REL: variants seen among roughly 807,000 people sequenced by gnomAD.
The protein encoded by REL is REL proto-oncogene, NF-kB subunit, also known as proto-oncogene c-Rel.
Under a neutral mutation model 45.9 loss-of-function variants are expected in REL, and 15 were observed. That is an observed-to-expected ratio of 0.33 (90% CI 0.22 to 0.50). The LOEUF (loss-of-function observed/expected upper bound fraction) is 0.50. Ranked by LOEUF, REL falls within the 20% of genes least tolerant of loss-of-function variation. The probability of loss-of-function intolerance (pLI) is 0.98; values close to 1 mark genes in which losing one functional copy is unlikely to be tolerated. For missense variants in REL, 601 were observed against 715.2 expected (o/e 0.84, Z 1.82); for synonymous variants, 239 against 242.1 (o/e 0.99, Z 0.12).
chr2:60,888,965 T>C (rs901011383), intron 1 of REL, among the ~76,000 whole-genome samples: 2 of 152,232 alleles, frequency 1.3e-5, no homozygotes, highest in African/African-American at 4.8e-5. Context: ...TTGCTTTCTT[T>C]TTTCTATCTG....
At chr2:60,906,911 ATATTTTT>A (rs1673673471) in intron 4 of REL, among the ~76,000 whole-genome samples, 1 of 108,978 alleles carries the variant, frequency 9.2e-6, no homozygotes, top group Non-Finnish European at 1.8e-5. Context: ...ATATATATAT[ATATTTTT>A]TTTTTTTTTT....
chr2:60,889,547 T>G (rs1346979581), intron 1 of REL, among the ~76,000 whole-genome samples: 16 of 152,202 alleles, frequency 1.1e-4, no homozygotes, highest in Admixed American at 1.0e-3. Flanking sequence ...ATGTGCCATG[T>G]TGGTGTGCTG....
Position 60,926,240 on chromosome 2 carries a change from GAAAGACCAAATA to G in REL, c.*3709_*3720del, listed in dbSNP as rs1674265048. ...GTAAATGTCTTCATTAGCCTAAAAG[GAAAGACCAAATA>G]AAACCTTTCCTACCACTTGGATGCA... On this transcript the variant is annotated 3_prime_UTR_variant, in exon 10 of 10. Coordinates refer to ENST00000394479, the MANE Select transcript of REL (RefSeq NM_001291746.2). 4.3e-6 allele frequency: 1 copy of G among 230,762 alleles called. No individual in the cohort carries two copies. Among genetic ancestry groups the G allele is most frequent in the Non-Finnish European group, 8.6e-6 (1 of 116,414 alleles). The allele number at this position is 230,762 out of a possible 1,614,324, so 14.3% of individuals were successfully genotyped here. A position where few individuals can be genotyped will look rare whatever the true frequency, so the allele number is the denominator to read the frequency against.
At chr2:60,896,518 T>C (rs1371917886) in intron 3 of REL, among the ~76,000 whole-genome samples, 7 of 152,082 alleles carry the variant, frequency 4.6e-5, no homozygotes, top group Non-Finnish European at 1.0e-4. Context: ...TGGGGAAAAA[T>C]GAACTAATGG....
rs920511941 is a variant in REL at position 60,925,587 on chromosome 2, A to T, written c.*3052A>T. 5.4e-6 allele frequency: 1 copy of T among 183,638 alleles called. No individual in the cohort carries two copies. The highest frequency in any genetic ancestry group is 1.2e-5 in the Non-Finnish European group (1 of 86,688). The allele number at this position is 183,638 out of a possible 1,614,324, so 11.4% of individuals were successfully genotyped here. A position where few individuals can be genotyped will look rare whatever the true frequency, so the allele number is the denominator to read the frequency against. On this transcript the variant is annotated 3_prime_UTR_variant, in exon 10 of 10. Coordinates refer to ENST00000394479, the MANE Select transcript of REL (RefSeq NM_001291746.2). ...AATAAATTTTTAAAATCATAAGCAC[A>T]TAAATAGAACTTACCAGGGAGAAAG...
Position 60,918,376 on chromosome 2 carries a change from TG to T in REL, c.641-16del, listed in dbSNP as rs1163402431. 1.8e-5 allele frequency: 28 copies of T among 1,578,604 alleles called. No homozygotes were observed. Among genetic ancestry groups the T allele is most frequent in the Admixed American group, 1.1e-4 (6 of 54,852 alleles). ...CTTTGTTTTCCCATTTTTTTTTTTT[TG>T]GTTTCTTATTGACTAGATGACATAG... On this transcript the variant is annotated splice_polypyrimidine_tract_variant and intron_variant, in intron 6 of 9. Transcript: ENST00000394479.
In REL at chr2:60,926,109, T is replaced by G; in HGVS notation, c.*3574T>G. On this transcript the variant is annotated 3_prime_UTR_variant, in exon 10 of 10. Transcript: ENST00000394479. ...CTGCTTTTAGTATCTGAGGCACTTT[T>G]TCTGAACTCTACTTGTGCACTGGAT... is the stretch of plus-strand genomic sequence containing the variant. 1 of 231,762 alleles carries G rather than the reference T, an allele frequency of 4.3e-6. No homozygotes were observed. Among genetic ancestry groups the G allele is most frequent in the East Asian group, 6.1e-5 (1 of 16,470 alleles). 14.4% of individuals were successfully genotyped at this position (231,762 alleles called of 1,614,324 possible).
chr2:60,891,844 G>A lies in REL; in HGVS notation c.153+19G>A, dbSNP rs1297618077. On this transcript the variant is annotated intron_variant, in intron 2 of 9. Coordinates refer to ENST00000394479, the MANE Select transcript of REL (RefSeq NM_001291746.2). ...TATCCAGGTAATAGACCCTTCTTCT[G>A]TGTCTATCTCACTATTAGTTGCTTC... 6.3e-7 allele frequency: 1 copy of A among 1,589,320 alleles called. No individual in the cohort carries two copies. Among genetic ancestry groups the A allele is most frequent in the Non-Finnish European group, 8.6e-7 (1 of 1,167,072 alleles).
intron 4 of REL, among the ~76,000 whole-genome samples, chr2:60,911,635 T>C (rs1488230343): frequency 6.6e-6 from 1 of 152,132 alleles, no homozygotes; most frequent in Non-Finnish European, 1.5e-5. Flanking sequence ...AAAATTTTAT[T>C]ATGAGATCTT....
intron 4 of REL, among the ~76,000 whole-genome samples, chr2:60,916,480 T>A (rs548528344): frequency 6.6e-6 from 1 of 152,274 alleles, no homozygotes; most frequent in South Asian, 2.1e-4. Context: ...TTGTACAGAT[T>A]TAGGAGATAA....
intron 4 of REL, among the ~76,000 whole-genome samples, chr2:60,915,290 G>A (rs1316337525): frequency 6.6e-6 from 1 of 152,144 alleles, no homozygotes; most frequent in Non-Finnish European, 1.5e-5. Context: ...CTTTGCAATT[G>A]AGAGACACTA....
rs114880716 is a variant in REL at position 60,904,979 on chromosome 2, A to G, written c.394+3896A>G. ...TTGAACATAGGGAGCCCCTGACTCT[A>G]AGGTCATGGTTTTAACAACTCTACC... is the stretch of plus-strand genomic sequence containing the variant. On this transcript the variant is annotated intron_variant, in intron 4 of 9. Coordinates refer to ENST00000394479, the MANE Select transcript of REL (RefSeq NM_001291746.2). Among the ~76,000 whole-genome samples, 1,503 of 152,290 alleles carry G rather than the reference A, an allele frequency of 9.9e-3. 18 individuals are homozygous for G. Among genetic ancestry groups the G allele is most frequent in the African/African-American group, 0.035 (1,463 of 41,556 alleles).
intron 2 of REL, 71 bp from the exon 3 acceptor site, chr2:60,894,326 A>G (rs1673293886): frequency 1.1e-6 from 1 of 888,890 alleles, no homozygotes; most frequent in African/African-American, 1.7e-5. Flanking sequence ...TGTAAATTGA[A>G]TTCTCATTTA....
intron 1 of REL, among the ~76,000 whole-genome samples, chr2:60,886,165 C>G (rs1013872499): frequency 6.6e-5 from 10 of 152,164 alleles, no homozygotes; most frequent in Non-Finnish European, 1.2e-4. Context: ...AAGGCTTTTT[C>G]AGCAACGTGT....
In REL at chr2:60,922,102, C is replaced by T. The variant is rs1233682212; in HGVS notation, c.1331C>T (p.Ser444Phe). 1 of 1,614,020 alleles carries T rather than the reference C, an allele frequency of 6.2e-7. No homozygotes were observed. The highest frequency in any genetic ancestry group is 8.5e-7 in the Non-Finnish European group (1 of 1,180,002). Residue 444 changes from serine to phenylalanine, a missense_variant, in exon 10 of 10, where the codon TCC becomes TTC. Physicochemically the swap from Ser to Phe is radical, Grantham distance 155. Coordinates refer to ENST00000394479, the MANE Select transcript of REL (RefSeq NM_001291746.2). Reference sequence around the variant, plus strand: ...GACATAGTCGGAATGGAAGCGTCATCCATGCCATCAGCAGATTTATATGGT... The same window carrying T: ...GACATAGTCGGAATGGAAGCGTCATTCATGCCATCAGCAGATTTATATGGT... ...ADDIVGMEAS[S>F]MPSADLYGIS...
Position 60,924,909 on chromosome 2 carries a change from T to A in REL, c.*2374T>A, listed in dbSNP as rs544414584. On this transcript the variant is annotated 3_prime_UTR_variant, in exon 10 of 10. Coordinates refer to ENST00000394479, the MANE Select transcript of REL (RefSeq NM_001291746.2). Reference sequence around the variant, plus strand: ...AGTTGTTATAGCTGTAACATTACACTTTATTTGCTGTTTGTGTTTCGTGAC... The same window carrying A: ...AGTTGTTATAGCTGTAACATTACACATTATTTGCTGTTTGTGTTTCGTGAC... 2.3e-5 allele frequency: 5 copies of A among 213,748 alleles called. No individual in the cohort carries two copies. The highest frequency in any genetic ancestry group is 1.1e-4 in the African/African-American group (5 of 44,436). 13.2% of individuals were successfully genotyped at this position (213,748 alleles called of 1,614,324 possible).
intron 4 of REL, among the ~76,000 whole-genome samples, chr2:60,910,989 T>A (rs1456411044): frequency 6.6e-6 from 1 of 152,078 alleles, no homozygotes; most frequent in Non-Finnish European, 1.5e-5. Context: ...AACACTGCAT[T>A]TTGTATTATA....
At chr2:60,902,479 T>C (rs953104585) in intron 4 of REL, among the ~76,000 whole-genome samples, 10 of 152,040 alleles carry the variant, frequency 6.6e-5, no homozygotes, top group African/African-American at 2.4e-4. Flanking sequence ...ACTCCTTCAT[T>C]TTTTTCCACT....
intron 5 of REL, among the ~76,000 whole-genome samples, chr2:60,917,694 G>A: frequency 6.7e-6 from 1 of 150,010 alleles, no homozygotes; most frequent in Non-Finnish European, 1.5e-5. Flanking sequence ...GTGTGTGTGT[G>A]TGTGTGTGTG....
Sources: gnomAD v4.1 joint callset for allele counts (sites outside exome capture counted in the v4.1 genomes callset) on GRCh38, gnomAD v4.1.1 for gene constraint, MANE v1.5 for transcripts, NCBI Gene and HGNC (gene_info 2026-07-23, HGNC 2026-07-21) for gene names.